NRDC: variants seen among roughly 807,000 people sequenced by gnomAD.
NRDC encodes nardilysin.
In NRDC, 54 loss-of-function variants were observed where a neutral mutation model predicts 147.1. The observed-to-expected ratio is 0.37, with a 90% confidence interval of 0.29 to 0.46. The LOEUF is 0.46. Ranked by LOEUF, NRDC falls within the 20% of genes least tolerant of loss-of-function variation. The pLI is 1.00. For missense variants in NRDC, 1,082 were observed against 1,370.6 expected (o/e 0.79, Z 3.33); for synonymous variants, 440 against 482.1 (o/e 0.91, Z 1.14).
Position 51,792,436 on chromosome 1 carries a change from A to G in NRDC, c.2776-12T>C. The G allele has an allele frequency of 6.2e-7, 1 of 1,613,884 alleles. No homozygotes were observed. On this transcript the variant is annotated splice_polypyrimidine_tract_variant and intron_variant, in intron 24 of 30. Transcript: ENST00000352171. Reference sequence around the variant, plus strand: ...CTCCTGGTACCTGACTGAAAAGAGAAGGTTGTCAGGCCAACTGAATATCCA... The same window carrying G: ...CTCCTGGTACCTGACTGAAAAGAGAGGGTTGTCAGGCCAACTGAATATCCA...
chr1:51,825,333 AAAC>A lies in NRDC; in HGVS notation c.987_989del (p.Leu329del). On this transcript the variant is annotated inframe_deletion, in exon 6 of 31. Coordinates refer to ENST00000352171, the MANE Select transcript of NRDC (RefSeq NM_001101662.2). ...GATGTCCAGGTCTAGCAAGGCTTCC[AAAC>A]AACATTTCCTTTCTGTTTGCATCAG... 1 of 1,598,592 alleles carries A rather than the reference AAAC, an allele frequency of 6.3e-7. No individual in the cohort carries two copies. Among genetic ancestry groups the A allele is most frequent in the South Asian group, 1.1e-5 (1 of 88,198 alleles).
At chr1:51,815,187 T>C (rs56176685) in intron 11 of NRDC, among the ~76,000 whole-genome samples, 73,504 of 135,806 alleles carry the variant, frequency 0.54, 19,552 homozygotes, top group East Asian at 0.93. Flanking sequence ...TTTTTCTTTT[T>C]TTTTTTTTTT....
chr1:51,815,007 A>G (rs1679892397), intron 11 of NRDC, among the ~76,000 whole-genome samples, 194 bp from the exon 12 acceptor site: 1 of 152,232 alleles, frequency 6.6e-6, no homozygotes, highest in African/African-American at 2.4e-5. Context: ...GAATTGTGGT[A>G]CATTTAGGAA....
At chr1:51,793,268 T>C (rs1177528666) in intron 24 of NRDC, among the ~76,000 whole-genome samples, 1 of 152,228 alleles carries the variant, frequency 6.6e-6, no homozygotes, top group Non-Finnish European at 1.5e-5. Context: ...TGTGAAATCC[T>C]GCCGAAAATG....
chr1:51,809,956 C>A (rs1679639437), intron 16 of NRDC, among the ~76,000 whole-genome samples: 2 of 151,888 alleles, frequency 1.3e-5, no homozygotes, highest in Admixed American at 1.3e-4. Flanking sequence ...CAGGCCCTAC[C>A]CAGACCCTCT....
chr1:51,837,612 C>CT (rs1431938359), intron 2 of NRDC: 1 of 1,517,448 alleles, frequency 6.6e-7, no homozygotes, highest in Non-Finnish European at 8.9e-7. Context: ...AAAACAGGCT[C>CT]TGCAATTGCT....
intron 1 of NRDC, among the ~76,000 whole-genome samples, chr1:51,843,329 A>C (rs76043481): frequency 2.3e-5 from 3 of 132,928 alleles, no homozygotes; most frequent in Admixed American, 7.5e-5. Flanking sequence ...AAAAAAAAAA[A>C]CCCAACCCCT....
chr1:51,864,835 C>T (rs1321889159), intron 1 of NRDC, among the ~76,000 whole-genome samples: 1 of 151,686 alleles, frequency 6.6e-6, no homozygotes, highest in East Asian at 1.9e-4. Flanking sequence ...GCCTGTAGTT[C>T]CAGCTACTCA....
chr1:51,814,521 C>A, intron 13 of NRDC, 30 bp downstream of exon 13: 1 of 1,608,166 alleles, frequency 6.2e-7, no homozygotes. Context: ...AGGACTGGCT[C>A]CTGGCCTCAT....
chr1:51,807,053 G>C (rs1402526384), intron 17 of NRDC, 140 bp from the exon 18 acceptor site: 1 of 89,554 alleles, frequency 1.1e-5, no homozygotes, highest in Non-Finnish European at 1.5e-5. Flanking sequence ...CATTAAATTA[G>C]TAGACCAATA....
In NRDC at chr1:51,803,010, T is replaced by C. The variant is rs963988371; in HGVS notation, c.2313+804A>G. Reference sequence around the variant, plus strand: ...TTGATGAAGCAATACTGGAACATATTTCTCACTAAGAGATTAATAACTGAC... The same window carrying C: ...TTGATGAAGCAATACTGGAACATATCTCTCACTAAGAGATTAATAACTGAC... On this transcript the variant is annotated intron_variant, in intron 20 of 30. Transcript: ENST00000352171. Among the ~76,000 whole-genome samples, 3 of 152,174 alleles carry C rather than the reference T, an allele frequency of 2.0e-5. No homozygotes were observed. The East Asian group carries it at 5.8e-4, about 29-fold the overall frequency.
chr1:51,860,353 T>G (rs11810600), intron 1 of NRDC, among the ~76,000 whole-genome samples: 1 of 152,146 alleles, frequency 6.6e-6, no homozygotes, highest in Non-Finnish European at 1.5e-5. Context: ...AAATATAGGA[T>G]AGTTGCTCTA....
Position 51,827,888 on chromosome 1 carries a change from T to TG in NRDC, c.867-20dup. 6.2e-7 allele frequency: 1 copy of TG among 1,608,234 alleles called. No homozygotes were observed. On this transcript the variant is annotated intron_variant, in intron 4 of 30. Coordinates refer to ENST00000352171, the MANE Select transcript of NRDC (RefSeq NM_001101662.2). ...CGCCCATCTGAACAAAAAACAAAAC[T>TG]GGCATTTCCGTTTTTGTTCACTTTC... is the stretch of plus-strand genomic sequence containing the variant.
chr1:51,810,424 G>T lies in NRDC; in HGVS notation c.1780-20C>A. ...AATGACCTAGTAAAGTGGGAAGAGG[G>T]GAAAGAGATACACACAATTTTAACC... On this transcript the variant is annotated intron_variant, in intron 15 of 30. Coordinates refer to ENST00000352171, the MANE Select transcript of NRDC (RefSeq NM_001101662.2). The T allele has an allele frequency of 6.2e-7, 1 of 1,603,310 alleles. No individual in the cohort carries two copies. The highest frequency in any genetic ancestry group is 1.1e-5 in the South Asian group (1 of 88,778).
chr1:51,859,366 C>T (rs1682417070), intron 1 of NRDC, among the ~76,000 whole-genome samples: 1 of 152,168 alleles, frequency 6.6e-6, no homozygotes, highest in South Asian at 2.1e-4. Flanking sequence ...TAATTTGATA[C>T]TTGCTTGCTT....
At chr1:51,865,305 GT>G (rs934061275) in intron 1 of NRDC, among the ~76,000 whole-genome samples, 2 of 150,694 alleles carry the variant, frequency 1.3e-5, no homozygotes, top group African/African-American at 4.9e-5. Context: ...TAAGTTTTTC[GT>G]TTTGTTTTTT....
chr1:51,801,011 A>AT lies in NRDC; in HGVS notation c.2314-329dup, dbSNP rs201643357. ...AGACAGGGGCCACCATGCCCGGCTA[A>AT]TTTTTTTGCTTTTGTACAGACAAGG... On this transcript the variant is annotated intron_variant, in intron 20 of 30. Transcript: ENST00000352171. The AT allele has an allele frequency of 6.9e-5, 13 of 187,246 alleles. No individual in the cohort carries two copies. The East Asian group carries it at 1.8e-3, about 27-fold the overall frequency. 11.6% of individuals were successfully genotyped at this position (187,246 alleles called of 1,614,324 possible).
chr1:51,805,164 AGTCT>A (rs1679405941), intron 19 of NRDC, among the ~76,000 whole-genome samples: 2 of 152,248 alleles, frequency 1.3e-5, no homozygotes, highest in Non-Finnish European at 2.9e-5. Context: ...ATTCCTTGGT[AGTCT>A]ATAAATACAG....
At chr1:51,833,341 C>A (rs975148626) in intron 4 of NRDC, among the ~76,000 whole-genome samples, 1 of 151,420 alleles carries the variant, frequency 6.6e-6, no homozygotes. Context: ...CACATTCAGC[C>A]TGGGAGGCTG....
Sources: allele counts gnomAD v4.1 joint callset (sites outside exome capture counted in the v4.1 genomes callset), GRCh38; gene constraint gnomAD v4.1.1; transcripts MANE v1.5; gene names NCBI Gene and HGNC (gene_info 2026-07-23, HGNC 2026-07-21).